SLC5A9: variants seen among roughly 807,000 people sequenced by gnomAD.
SLC5A9 encodes solute carrier family 5 member 9.
A neutral mutation model predicts 70.9 loss-of-function variants in SLC5A9; 59 were observed. The observed-to-expected ratio is 0.83, with a 90% confidence interval of 0.68 to 1.03. SLC5A9 has a LOEUF of 1.03. SLC5A9 is among the 50% of genes least tolerant of loss of function. The pLI is 0.00. For synonymous variants in SLC5A9, 340 were observed against 346.5 expected (o/e 0.98, Z 0.21); for missense variants, 832 against 881.1 (o/e 0.94, Z 0.71).
At chr1:48,243,745 G>A (rs570805816) in intron 13 of SLC5A9, among the ~76,000 whole-genome samples, 5 of 151,838 alleles carry the variant, frequency 3.3e-5, no homozygotes, top group East Asian at 1.9e-4. Flanking sequence ...AAAAAAAGGC[G>A]TCCCAGGAAA....
Position 48,239,276 on chromosome 1 carries a change from C to A in SLC5A9, c.1462-46C>A. ...GAGAGTAGTTTTACCTTCCTAGGGT[C>A]TCCCACCTGGATCTCACCTCAGCTC... On this transcript the variant is annotated intron_variant, in intron 11 of 13. Transcript: ENST00000438567. This position sits in a 1 kb window ranked among gnomAD's most constrained non-coding sequence, Gnocchi z 4.2. 1 of 1,428,040 alleles carries A rather than the reference C, an allele frequency of 7.0e-7. No homozygotes were observed. Among genetic ancestry groups the A allele is most frequent in the Non-Finnish European group, 9.7e-7 (1 of 1,031,506 alleles). The allele number at this position is 1,428,040 out of a possible 1,614,324, so 88.5% of individuals were successfully genotyped here. A position where few individuals can be genotyped will look rare whatever the true frequency, so the allele number is the denominator to read the frequency against.
At chr1:48,242,658 A>AGGGGGGACAGACCTATGTCAT in intron 13 of SLC5A9, 42 bp downstream of exon 13, 1 of 1,555,658 alleles carries the variant, frequency 6.4e-7, no homozygotes, top group South Asian at 1.2e-5. Context: ...ACAGAGGAAC[A>AGGGGGGACAGACCTATGTCAT]GGGGGGACAG....
At chr1:48,224,902 A>C (rs558875741) in intron 2 of SLC5A9, 107 bp downstream of exon 2, 2 of 1,110,098 alleles carry the variant, frequency 1.8e-6, no homozygotes, top group Non-Finnish European at 1.3e-6. Flanking sequence ...CAAGGCAAAG[A>C]CCTCCCCGTT....
At position 48,239,527 on chromosome 1, in the gene SLC5A9, C is replaced by T. The variant is rs1644368860; in HGVS notation, c.1667C>T (p.Pro556Leu). 1 of 1,614,142 alleles carries T rather than the reference C, an allele frequency of 6.2e-7. No individual in the cohort carries two copies. Reference protein sequence around the residue: ...VIVSLCTTPIPEEQLTRLTWW... With the variant: ...VIVSLCTTPILEEQLTRLTWW... ...GTCAGCCTCTGTACAACTCCCATCC[C>T]TGAGGAACAGGCAAGTGTTGTGCTC... Residue 556 changes from proline to leucine, a missense_variant, in exon 12 of 14, where the codon CCT (proline) becomes CTT (leucine). Transcript: ENST00000438567. The surrounding 1 kb of genome is among the most constrained non-coding windows in gnomAD (Gnocchi z 4.2).
chr1:48,225,790 ACT>A (rs1644137771), intron 2 of SLC5A9, among the ~76,000 whole-genome samples: 3 of 151,416 alleles, frequency 2.0e-5, no homozygotes, highest in South Asian at 4.2e-4. Context: ...TCACACTCTC[ACT>A]CTCATACACA....
At position 48,231,939 on chromosome 1, in the gene SLC5A9, C is replaced by T. The variant is rs749185453; in HGVS notation, c.692-7C>T. On this transcript the variant is annotated splice_region_variant and splice_polypyrimidine_tract_variant and intron_variant, in intron 6 of 13. Coordinates refer to ENST00000438567, the MANE Select transcript of SLC5A9 (RefSeq NM_001011547.3). Reference sequence around the variant, plus strand: ...TCAGGGCTGCTTCACTCACTGTCTCCTCACAGGCTTTCAGGACGTGGGCTG... The same window carrying T: ...TCAGGGCTGCTTCACTCACTGTCTCTTCACAGGCTTTCAGGACGTGGGCTG... The T allele has an allele frequency of 3.7e-6, 6 of 1,614,132 alleles. No homozygotes were observed. The South Asian group carries it at 6.6e-5, about 18-fold the overall frequency.
In SLC5A9 at chr1:48,225,248, T is replaced by C. The variant is rs550567382; in HGVS notation, c.234+453T>C. Among the ~76,000 whole-genome samples the C allele has an allele frequency of 1.9e-4, 29 of 152,216 alleles. No individual in the cohort carries two copies. In the South Asian group the frequency reaches 5.4e-3, roughly 28 times the overall value. On this transcript the variant is annotated intron_variant, in intron 2 of 13. Coordinates refer to ENST00000438567, the MANE Select transcript of SLC5A9 (RefSeq NM_001011547.3). ...GGGAAGGTGACACATAAGCTTAATA[T>C]TGAAGAACAGTTAAGTTAAGGGAAT...
intron 13 of SLC5A9, among the ~76,000 whole-genome samples, chr1:48,244,747 T>A (rs1169782673): frequency 3.8e-5 from 5 of 132,126 alleles, no homozygotes; most frequent in African/African-American, 1.2e-4. Context: ...TATATATAAA[T>A]TATATTTATA....
At position 48,244,892 on chromosome 1, in the gene SLC5A9, A is replaced by G. The variant is rs1205039673; in HGVS notation, c.1837+2276A>G. On this transcript the variant is annotated intron_variant, in intron 13 of 13. Coordinates refer to ENST00000438567, the MANE Select transcript of SLC5A9 (RefSeq NM_001011547.3). ...TATGTGTATGTGTATATATATATAT[A>G]TATATATATATATATATAAAACCTC... Among the ~76,000 whole-genome samples the G allele has an allele frequency of 2.3e-3, 240 of 106,254 alleles. 62 individuals are homozygous for G. The East Asian group carries it at 0.023, about 10-fold the overall frequency. 69.7% of individuals were successfully genotyped at this position (106,254 alleles called of 152,430 possible). A position where few individuals can be genotyped will look rare whatever the true frequency, so the allele number is the denominator to read the frequency against.
chr1:48,240,694 T>A (rs1644381376), intron 12 of SLC5A9, among the ~76,000 whole-genome samples: 1 of 152,166 alleles, frequency 6.6e-6, no homozygotes, highest in Non-Finnish European at 1.5e-5. Context: ...CTTCCCGAAG[T>A]CTTCCCCAGT....
chr1:48,228,720 T>C, intron 2 of SLC5A9, 130 bp from the exon 3 acceptor site: 2 of 1,419,228 alleles, frequency 1.4e-6, no homozygotes, highest in South Asian at 2.8e-5. Flanking sequence ...ATTAAATGTA[T>C]TTATGAATGC....
At chr1:48,230,302 T>G (rs1487667686) in intron 4 of SLC5A9, among the ~76,000 whole-genome samples, 1 of 152,166 alleles carries the variant, frequency 6.6e-6, no homozygotes, top group Non-Finnish European at 1.5e-5. Context: ...CTTCCTTCAC[T>G]TCCTCAGCCT....
At chr1:48,226,352 A>G (rs1156871824) in intron 2 of SLC5A9, among the ~76,000 whole-genome samples, 1 of 152,096 alleles carries the variant, frequency 6.6e-6, no homozygotes, top group Non-Finnish European at 1.5e-5. Context: ...CTCTGGCCCA[A>G]CGATTAGTGT....
At position 48,229,453 on chromosome 1, in the gene SLC5A9, G is replaced by T. The variant is rs377329714; in HGVS notation, c.498G>T (p.Lys166Asn). The T allele has an allele frequency of 8.1e-6, 13 of 1,613,952 alleles. No individual in the cohort carries two copies. The highest frequency in any genetic ancestry group is 1.1e-5 in the Non-Finnish European group (13 of 1,179,982). Residue 166 changes from lysine to asparagine, a missense_variant, in exon 4 of 14, where the codon AAG becomes AAT. Coordinates refer to ENST00000438567, the MANE Select transcript of SLC5A9 (RefSeq NM_001011547.3). ...CTCTCATCCTCTACATCTTCACCAA[G>T]ATCTCGGTAGGTGTCACTGCAATGT... Reference protein sequence around the residue: ...VLSLILYIFTKISTDIFSGAL... With the variant: ...VLSLILYIFTNISTDIFSGAL...
At chr1:48,244,009 G>A (rs1196772859) in intron 13 of SLC5A9, among the ~76,000 whole-genome samples, 1 of 152,184 alleles carries the variant, frequency 6.6e-6, no homozygotes, top group African/African-American at 2.4e-5. Context: ...GGATAAAAAT[G>A]TCAATAACGT....
intron 13 of SLC5A9, among the ~76,000 whole-genome samples, chr1:48,244,878 G>GTATATATATA (rs756117312): frequency 0.052 from 1,542 of 29,412 alleles, 455 homozygotes; most frequent in Middle Eastern, 0.19. Context: ...ATGTGTATGT[G>GTATATATATA]TATATATATA....
At chr1:48,236,493 G>T (rs941640967) in intron 10 of SLC5A9, among the ~76,000 whole-genome samples, 2 of 152,236 alleles carry the variant, frequency 1.3e-5, no homozygotes, top group Non-Finnish European at 2.9e-5. Flanking sequence ...TATCTTGTGG[G>T]TAACAGTTTT....
At chr1:48,245,303 C>T (rs995005312) in intron 13 of SLC5A9, among the ~76,000 whole-genome samples, 5 of 151,984 alleles carry the variant, frequency 3.3e-5, no homozygotes, top group Non-Finnish European at 7.4e-5. Context: ...GGCTGAAACC[C>T]AGAACTAGAC....
In SLC5A9 at chr1:48,239,309, C is replaced by T; in HGVS notation, c.1462-13C>T. 1 of 1,595,088 alleles carries T rather than the reference C, an allele frequency of 6.3e-7. No homozygotes were observed. The highest frequency in any genetic ancestry group is 8.6e-7 in the Non-Finnish European group (1 of 1,166,796). ...TGGATCTCACCTCAGCTCTTGTCTG[C>T]CCTCTCTCACAGGGAGCTTTCTGGG... On this transcript the variant is annotated splice_polypyrimidine_tract_variant and intron_variant, in intron 11 of 13. Coordinates refer to ENST00000438567, the MANE Select transcript of SLC5A9 (RefSeq NM_001011547.3). The surrounding 1 kb of genome is among the most constrained non-coding windows in gnomAD (Gnocchi z 4.2).
Sources: gnomAD v4.1 joint callset for allele counts (sites outside exome capture counted in the v4.1 genomes callset) on GRCh38, gnomAD v4.1.1 for gene constraint, Gnocchi (gnomAD v3.1) non-coding constraint, MANE v1.5 for transcripts, NCBI Gene and HGNC (gene_info 2026-07-23, HGNC 2026-07-21) for gene names.